Variants in CAMTA1 observed in about 807,000 individuals in gnomAD.
The protein encoded by CAMTA1 is calmodulin binding transcription activator 1.
Under a neutral mutation model 170.9 loss-of-function variants are expected in CAMTA1, and 27 were observed. The ratio of observed to expected loss-of-function variants is 0.16; its 90% CI spans 0.12 to 0.22. CAMTA1 has a LOEUF of 0.22. CAMTA1 is among the 10% of genes least tolerant of loss of function. CAMTA1 has a pLI of 1.00. For synonymous variants in CAMTA1, 833 were observed against 891.5 expected, an observed-to-expected ratio of 0.93 and a Z score of 1.17; for missense variants, 1,619 against 2,217.2, an observed-to-expected ratio of 0.73 and a Z score of 5.42.
At position 7,665,809 on chromosome 1, in the gene CAMTA1, G is replaced by A. The variant is rs1427310889; in HGVS notation, c.2652+610G>A. On this transcript the variant is annotated intron_variant, in intron 9 of 22. Transcript: ENST00000303635. The surrounding 1 kb of genome is among the most constrained non-coding windows in gnomAD (Gnocchi z 4.3). ...TGCCGTTTCTCAATTTATGTGTTGA[G>A]TCCATCTATGTTTTGCTTTGCTTTT... is the stretch of plus-strand genomic sequence containing the variant. 6.6e-6 allele frequency among the ~76,000 whole-genome samples: 1 copy of A among 152,104 alleles called. No homozygotes were observed. Among genetic ancestry groups the A allele is most frequent in the Admixed American group, 6.5e-5 (1 of 15,272 alleles).
At chr1:7,415,339 T>G (rs138562247) in intron 5 of CAMTA1, among the ~76,000 whole-genome samples, 140,371 of 150,272 alleles carry the variant, frequency 0.93, 65,624 homozygotes, top group East Asian at 1. Context: ...TCGTTGATCT[T>G]TCTAATGTTG....
chr1:7,287,093 T>A (rs1672451258), intron 5 of CAMTA1, among the ~76,000 whole-genome samples: 1 of 152,138 alleles, frequency 6.6e-6, no homozygotes, highest in Non-Finnish European at 1.5e-5. Context: ...TTTTGGAAGA[T>A]CAGAGAATGA....
intron 5 of CAMTA1, among the ~76,000 whole-genome samples, chr1:7,422,798 C>A (rs1443563744): frequency 6.6e-6 from 1 of 152,146 alleles, no homozygotes; most frequent in Admixed American, 6.5e-5. Context: ...TCCCTGCAGT[C>A]CCCACACCCC....
intron 9 of CAMTA1, among the ~76,000 whole-genome samples, chr1:7,667,865 C>T (rs1395832975): frequency 6.6e-6 from 1 of 152,222 alleles, no homozygotes; most frequent in Non-Finnish European, 1.5e-5. Flanking sequence ...TTGGAAAATG[C>T]GCATAAGCCA....
At chr1:7,237,712 T>A (rs1354945416) in intron 4 of CAMTA1, among the ~76,000 whole-genome samples, 1 of 152,206 alleles carries the variant, frequency 6.6e-6, no homozygotes, top group Non-Finnish European at 1.5e-5. Flanking sequence ...GATCACTCCC[T>A]AAAGTGATAG....
chr1:6,934,361 C>T lies in CAMTA1; in HGVS notation c.234+109151C>T, dbSNP rs1443123421. ...GGAACCACCCCTCTTGTAAAAGAGG[C>T]ACACACAGCCCTCCTGCTGTAATCT... On this transcript the variant is annotated intron_variant, in intron 3 of 22. Transcript: ENST00000303635. The surrounding 1 kb of genome is among the most constrained non-coding windows in gnomAD (Gnocchi z 4.5). 1.3e-5 allele frequency among the ~76,000 whole-genome samples: 2 copies of T among 152,170 alleles called. No homozygotes were observed. The highest frequency in any genetic ancestry group is 2.4e-5 in the African/African-American group (1 of 41,446).
rs1283598157 is a variant in CAMTA1 at position 7,435,972 on chromosome 1, A to G, written c.439-31858A>G. 1.3e-5 allele frequency among the ~76,000 whole-genome samples: 2 copies of G among 152,172 alleles called. No individual in the cohort carries two copies. Among genetic ancestry groups the G allele is most frequent in the Non-Finnish European group, 2.9e-5 (2 of 68,020 alleles). ...AGAGGAGGGAGCTGGGAAGCTCCCC[A>G]TGCCACCACCCTGAGCTTGCAGCAG... On this transcript the variant is annotated intron_variant, in intron 5 of 22. Coordinates refer to ENST00000303635, the MANE Select transcript of CAMTA1 (RefSeq NM_015215.4). The surrounding 1 kb of genome is among the most constrained non-coding windows in gnomAD (Gnocchi z 4.4).
chr1:7,726,255 T>A (rs2096685411), intron 11 of CAMTA1, among the ~76,000 whole-genome samples: 1 of 152,202 alleles, frequency 6.6e-6, no homozygotes. Flanking sequence ...TCTGCCCTGC[T>A]CTTCCATGCC....
chr1:7,764,346 A>G (rs1346013389), intron 22 of CAMTA1, among the ~76,000 whole-genome samples: 7 of 152,242 alleles, frequency 4.6e-5, no homozygotes, highest in African/African-American at 1.7e-4. Context: ...TAAAAATCAC[A>G]CTAGGACCAA....
At chr1:7,261,982 T>C (rs1057055563) in intron 5 of CAMTA1, among the ~76,000 whole-genome samples, 2 of 152,220 alleles carry the variant, frequency 1.3e-5, no homozygotes, top group African/African-American at 4.8e-5. Flanking sequence ...GTCTACATGC[T>C]GTGCAGCAGA....
At chr1:7,581,951 A>G (rs1236984991) in intron 6 of CAMTA1, among the ~76,000 whole-genome samples, 1 of 152,230 alleles carries the variant, frequency 6.6e-6, no homozygotes, top group Non-Finnish European at 1.5e-5. Context: ...TGCACAGCCC[A>G]CAAGGATGGT....
chr1:7,484,198 C>T (rs551624451), intron 6 of CAMTA1, among the ~76,000 whole-genome samples: 4 of 152,306 alleles, frequency 2.6e-5, no homozygotes, highest in Non-Finnish European at 5.9e-5. Flanking sequence ...GAGTACCTGG[C>T]ACAGAGGGGG....
intron 6 of CAMTA1, among the ~76,000 whole-genome samples, chr1:7,586,666 G>A (rs1008297480): frequency 1.3e-5 from 2 of 152,146 alleles, no homozygotes; most frequent in African/African-American, 2.4e-5. Context: ...GCATACCCCC[G>A]CCTGGGCACA....
At chr1:7,700,972 A>G (rs1368646466) in intron 11 of CAMTA1, 1 of 152,262 alleles carries the variant, frequency 6.6e-6, no homozygotes, top group Non-Finnish European at 1.5e-5. Flanking sequence ...TCAAGGCTGC[A>G]TCGAGCCAAG....
intron 6 of CAMTA1, among the ~76,000 whole-genome samples, chr1:7,604,052 A>G (rs528335537): frequency 2.6e-3 from 397 of 152,254 alleles, no homozygotes; most frequent in African/African-American, 9.3e-3. Context: ...TGAGAGATCC[A>G]CTGTTACTCT....
At chr1:6,904,933 G>A (rs1045072999) in intron 3 of CAMTA1, among the ~76,000 whole-genome samples, 11 of 151,730 alleles carry the variant, frequency 7.2e-5, no homozygotes, top group African/African-American at 2.7e-4. Flanking sequence ...ACTCCGACTC[G>A]CTGTGTGTCC....
At chr1:7,627,627 C>T (rs1323290377) in intron 6 of CAMTA1, among the ~76,000 whole-genome samples, 1 of 152,198 alleles carries the variant, frequency 6.6e-6, no homozygotes, top group Non-Finnish European at 1.5e-5. Context: ...GGTAGCAGAA[C>T]CCAGACTCGA....
At chr1:7,629,247 G>A (rs1558025509) in intron 6 of CAMTA1, among the ~76,000 whole-genome samples, 1 of 152,196 alleles carries the variant, frequency 6.6e-6, no homozygotes, top group Non-Finnish European at 1.5e-5. Context: ...ATGGTTGGAC[G>A]CTGAACAGTC....
intron 5 of CAMTA1, among the ~76,000 whole-genome samples, chr1:7,399,994 T>C (rs1557654460): frequency 6.6e-6 from 1 of 152,260 alleles, no homozygotes; most frequent in Admixed American, 6.5e-5. Context: ...TTGAGCTTCA[T>C]GGATCTAGAT....
Sources: gnomAD v4.1 joint callset for allele counts (sites outside exome capture counted in the v4.1 genomes callset) on GRCh38, gnomAD v4.1.1 for gene constraint, Gnocchi (gnomAD v3.1) non-coding constraint, MANE v1.5 for transcripts, NCBI Gene and HGNC (gene_info 2026-07-23, HGNC 2026-07-21) for gene names.